PHACTR1: variants seen among roughly 807,000 people sequenced by gnomAD.
PHACTR1 encodes RPEL repeat containing 1.
PHACTR1 carries 16 observed loss-of-function variants against 69.2 expected under a neutral mutation model. That is an observed-to-expected ratio of 0.23 (90% CI 0.16 to 0.35). The LOEUF is 0.35. Ranked by LOEUF, PHACTR1 falls within the 10% of genes least tolerant of loss-of-function variation. The probability of loss-of-function intolerance (pLI) is 1.00; values close to 1 mark genes in which losing one functional copy is unlikely to be tolerated. For missense variants in PHACTR1, 510 were observed against 734.7 expected (o/e 0.69, Z 3.54); for synonymous variants, 312 against 284.5 (o/e 1.10, Z -0.97).
chr6:12,928,772 G>A (rs1788557707), intron 4 of PHACTR1, among the ~76,000 whole-genome samples: 1 of 152,114 alleles, frequency 6.6e-6, no homozygotes, highest in African/African-American at 2.4e-5. Flanking sequence ...CAGATAGGTG[G>A]ACAGGAAAAT....
chr6:13,186,793 T>C (rs1220796282), intron 7 of PHACTR1, among the ~76,000 whole-genome samples: 3 of 152,266 alleles, frequency 2.0e-5, no homozygotes, highest in Admixed American at 2.0e-4. Context: ...CGGGAGAGAT[T>C]ATTTCGGGAT....
intron 3 of PHACTR1, among the ~76,000 whole-genome samples, chr6:12,732,682 T>C (rs1028671329): frequency 6.6e-6 from 1 of 151,980 alleles, no homozygotes; most frequent in African/African-American, 2.4e-5. Context: ...CTGTGTAGTA[T>C]TCCATGGCAC....
intron 5 of PHACTR1, among the ~76,000 whole-genome samples, chr6:13,093,917 G>A (rs557935128): frequency 6.6e-6 from 1 of 152,250 alleles, no homozygotes; most frequent in South Asian, 2.1e-4. Context: ...TGTCACCCGG[G>A]CTGGGGTGCA....
intron 5 of PHACTR1, among the ~76,000 whole-genome samples, chr6:13,123,623 T>C (rs187958911): frequency 1.6e-4 from 24 of 152,268 alleles, no homozygotes; most frequent in Non-Finnish European, 3.2e-4. Flanking sequence ...TGGAGGGGTA[T>C]AGTTGGGGTG....
At chr6:12,809,446 G>A (rs1774778140) in intron 4 of PHACTR1, among the ~76,000 whole-genome samples, 1 of 152,158 alleles carries the variant, frequency 6.6e-6, no homozygotes, top group Admixed American at 6.5e-5. Flanking sequence ...GTTATTCACA[G>A]CATTGCTCTT....
chr6:13,231,752 G>C (rs1386265570), intron 10 of PHACTR1, among the ~76,000 whole-genome samples: 1 of 152,192 alleles, frequency 6.6e-6, no homozygotes, highest in Non-Finnish European at 1.5e-5. Context: ...ATGTTTATGT[G>C]ACATTAGGTA....
chr6:12,802,610 A>G (rs899646078), intron 4 of PHACTR1, among the ~76,000 whole-genome samples: 4 of 152,188 alleles, frequency 2.6e-5, no homozygotes, highest in African/African-American at 9.7e-5. Flanking sequence ...TTTCTCTGCC[A>G]CCAAAAAAGA....
intron 4 of PHACTR1, among the ~76,000 whole-genome samples, chr6:12,776,986 A>T (rs934955816): frequency 1.3e-5 from 2 of 152,194 alleles, no homozygotes; most frequent in African/African-American, 2.4e-5. Context: ...CAACAGCAGT[A>T]ATTTTCATTC....
chr6:13,042,617 C>A (rs1342369461), intron 4 of PHACTR1, among the ~76,000 whole-genome samples: 2 of 152,210 alleles, frequency 1.3e-5, no homozygotes, highest in African/African-American at 4.8e-5. Flanking sequence ...TCTGAAGAGA[C>A]AGCACAGTTG....
At chr6:13,219,510 C>A (rs139309324) in intron 8 of PHACTR1, among the ~76,000 whole-genome samples, 13 of 152,294 alleles carry the variant, frequency 8.5e-5, no homozygotes, top group African/African-American at 3.1e-4. Context: ...ACCCACTGCA[C>A]GACCCCTTTT....
intron 4 of PHACTR1, among the ~76,000 whole-genome samples, chr6:13,045,397 C>T (rs1804859138): frequency 6.6e-6 from 1 of 152,106 alleles, no homozygotes. Flanking sequence ...ATCATCTTTA[C>T]CGTCATAATA....
intron 4 of PHACTR1, among the ~76,000 whole-genome samples, chr6:13,047,282 G>T (rs539940325): frequency 6.6e-6 from 1 of 150,594 alleles, no homozygotes; most frequent in South Asian, 2.1e-4. Flanking sequence ...GGAGGCTGAG[G>T]CATGAGAATG....
chr6:12,734,147 T>C (rs926188345), intron 3 of PHACTR1, among the ~76,000 whole-genome samples: 1 of 152,224 alleles, frequency 6.6e-6, no homozygotes, highest in Admixed American at 6.5e-5. Context: ...TTTGTCAGGC[T>C]CTATGTTAGG....
intron 5 of PHACTR1, among the ~76,000 whole-genome samples, chr6:13,095,799 A>T (rs1814139816): frequency 8.8e-6 from 1 of 113,094 alleles, no homozygotes; most frequent in Admixed American, 1.3e-4. Context: ...AGGCTTGTAA[A>T]GCTTACTGGG....
rs960372046 is a variant in PHACTR1 at position 12,894,420 on chromosome 6, C to T, written c.250+144630C>T. ...AGGAGTTCGAGACCAGCCTGGCCAACATGGCAATACCCCATCTCTACTAAA... is the reference window on the plus strand; with the variant it reads ...AGGAGTTCGAGACCAGCCTGGCCAATATGGCAATACCCCATCTCTACTAAA... On this transcript the variant is annotated intron_variant, in intron 4 of 14. Coordinates refer to ENST00000332995, the MANE Select transcript of PHACTR1 (RefSeq NM_030948.6). Among the ~76,000 whole-genome samples, 9 of 152,318 alleles carry T rather than the reference C, an allele frequency of 5.9e-5. No individual in the cohort carries two copies. The East Asian group carries it at 1.7e-3, about 29-fold the overall frequency.
intron 10 of PHACTR1, among the ~76,000 whole-genome samples, chr6:13,261,469 C>T (rs1482486891): frequency 1.3e-5 from 2 of 152,166 alleles, no homozygotes; most frequent in African/African-American, 2.4e-5. Context: ...TGAGAGGTTC[C>T]TTGTTCAAAA....
intron 4 of PHACTR1, among the ~76,000 whole-genome samples, chr6:12,890,140 C>T (rs976987088): frequency 1.3e-5 from 2 of 152,112 alleles, no homozygotes; most frequent in African/African-American, 4.8e-5. Flanking sequence ...GAACGTGAAC[C>T]CTATTGTGAA....
chr6:13,232,218 G>T (rs576649968), intron 10 of PHACTR1, among the ~76,000 whole-genome samples: 1 of 152,220 alleles, frequency 6.6e-6, no homozygotes, highest in East Asian at 1.9e-4. Flanking sequence ...AAGTGAGAAA[G>T]GTGGTGCCTA....
At chr6:13,263,276 A>G (rs1776169614) in intron 10 of PHACTR1, among the ~76,000 whole-genome samples, 1 of 147,928 alleles carries the variant, frequency 6.8e-6, no homozygotes, top group Non-Finnish European at 1.5e-5. Context: ...CTTTCCATGC[A>G]AAAAGAAAAC....
Sources: gnomAD v4.1 joint callset for allele counts (sites outside exome capture counted in the v4.1 genomes callset) on GRCh38, gnomAD v4.1.1 for gene constraint, MANE v1.5 for transcripts, NCBI Gene and HGNC (gene_info 2026-07-23, HGNC 2026-07-21) for gene names.